The following JPH1 variants were observed in gnomAD, a reference collection of about 807,000 sequenced individuals.
The protein encoded by JPH1 is junctophilin 1, also known as junctophilin-1.
In JPH1, 12 loss-of-function variants were observed where a neutral mutation model predicts 53.6. The ratio of observed to expected loss-of-function variants is 0.22; its 90% CI spans 0.14 to 0.36. JPH1 has a LOEUF of 0.36. JPH1 is among the 10% of genes least tolerant of loss of function. The probability of loss-of-function intolerance (pLI) is 1.00; values close to 1 mark genes in which losing one functional copy is unlikely to be tolerated. For synonymous variants in JPH1, 375 were observed against 363.8 expected, an observed-to-expected ratio of 1.03 and a Z score of -0.35; for missense variants, 808 against 905.5, an observed-to-expected ratio of 0.89 and a Z score of 1.38.
At chr8:74,254,879 T>C (rs1206924004) in intron 3 of JPH1, among the ~76,000 whole-genome samples, 2 of 152,086 alleles carry the variant, frequency 1.3e-5, no homozygotes, top group African/African-American at 4.8e-5. Context: ...AAACCACTGC[T>C]CAATGAAATA....
In JPH1 at chr8:74,321,498, C is replaced by T. The variant is rs1238893886; in HGVS notation, c.-211G>A. On this transcript the variant is annotated 5_prime_UTR_variant, in exon 1 of 6. Coordinates refer to ENST00000342232, the MANE Select transcript of JPH1 (RefSeq NM_020647.4). The surrounding 1 kb of genome is among the most constrained non-coding windows in gnomAD (Gnocchi z 4.3). ...CCGCCGCCTTCCTCCTCCTCCTCCT[C>T]CTCCTTCGCCGCCGCCGCCTGGGCC... 6.2e-6 allele frequency: 3 copies of T among 481,732 alleles called. No homozygotes were observed. The highest frequency in any genetic ancestry group is 2.1e-5 in the African/African-American group (1 of 48,644). The allele number at this position is 481,732 out of a possible 1,614,324, so 29.8% of individuals were successfully genotyped here.
At position 74,320,969 on chromosome 8, in the gene JPH1, C is replaced by T. The variant is rs1178830755; in HGVS notation, c.319G>A (p.Glu107Lys). The T allele has an allele frequency of 3.7e-6, 6 of 1,610,044 alleles. No homozygotes were observed. Among genetic ancestry groups the T allele is most frequent in the Middle Eastern group, 1.7e-4 (1 of 6,056 alleles). Reference protein sequence around the residue: ...RQSLCTPARYEGTWSNGLQDG... With the variant: ...RQSLCTPARYKGTWSNGLQDG... ...TGCAGCCCGTTACTCCAGGTACCCT[C>T]GTAGCGAGCGGGGGTGCACAGGCTC... The change falls in exon 1 of 6, where the codon GAG becomes AAG. Residue 107 changes from glutamate to lysine, a missense_variant. Physicochemically the swap from Glu to Lys is moderately conservative, Grantham distance 56. Transcript: ENST00000342232. This position sits in a 1 kb window ranked among gnomAD's most constrained non-coding sequence, Gnocchi z 4.4.
In JPH1 at chr8:74,304,473, C is replaced by T. The variant is rs1001761598; in HGVS notation, c.1139+10388G>A. Among the ~76,000 whole-genome samples, 13 of 152,292 alleles carry T rather than the reference C, an allele frequency of 8.5e-5. No individual in the cohort carries two copies. The East Asian group carries it at 1.7e-3, about 20-fold the overall frequency. On this transcript the variant is annotated intron_variant, in intron 2 of 5. Transcript: ENST00000342232. The stretch of plus-strand genomic sequence containing the variant: ...GTGGGTGAAATGAGGGGGCAGTAAG[C>T]CCCATCATCTGAGGCTCTTCCATTC...
In JPH1 at chr8:74,245,091, G is replaced by A; in HGVS notation, c.1343C>T (p.Thr448Ile). 1 of 1,613,320 alleles carries A rather than the reference G, an allele frequency of 6.2e-7. No individual in the cohort carries two copies. Residue 448 changes from threonine to isoleucine, a missense_variant, in exon 4 of 6, where the codon ACA (threonine) becomes ATA (isoleucine). By Grantham distance (89) the Thr-to-Ile change is moderately conservative. Around this residue, in one of 2 missense-constraint regions of JPH1, gnomAD observed 756 missense variants for 811.9 expected, o/e 0.93. Transcript: ENST00000342232. ...PEEKVPEKPP[T>I]PKESPHFYRK... is the part of the protein sequence containing the mutation. ...ATAAAAATGAGGAGACTCCTTTGGT[G>A]TAGGTGGCTTTTCTGGTACCTTTTC...
At chr8:74,296,948 A>C (rs1273707753) in intron 2 of JPH1, among the ~76,000 whole-genome samples, 1 of 152,230 alleles carries the variant, frequency 6.6e-6, no homozygotes, top group African/African-American at 2.4e-5. Context: ...GCATAAGCCA[A>C]TGCAAGCTAT....
rs1033004928 is a variant in JPH1, at chr8:74,235,837, A to G, written c.*1214T>C. 2.6e-5 allele frequency: 4 copies of G among 152,414 alleles called. No individual in the cohort carries two copies. Among genetic ancestry groups the G allele is most frequent in the African/African-American group, 9.6e-5 (4 of 41,476 alleles). The allele number at this position is 152,414 out of a possible 1,614,324, so 9.4% of individuals were successfully genotyped here. ...ACTTTGAAAAACAGGAAAGGCAGAA[A>G]ACTGAGAGGCAGTGATTGAACAAGG... On this transcript the variant is annotated 3_prime_UTR_variant, in exon 6 of 6. Transcript: ENST00000342232.
Sources: gnomAD v4.1 joint callset for allele counts (sites outside exome capture counted in the v4.1 genomes callset) on GRCh38, gnomAD v4.1.1 for gene constraint, gnomAD v4.1.1 regional missense constraint, Gnocchi (gnomAD v3.1) non-coding constraint, MANE v1.5 for transcripts, NCBI Gene and HGNC (gene_info 2026-07-23, HGNC 2026-07-21) for gene names.